Variants in POC5 observed in about 807,000 individuals in gnomAD.
POC5 encodes POC5 centriolar protein.
Under a neutral mutation model 62.9 loss-of-function variants are expected in POC5, and 48 were observed. The observed-to-expected ratio is 0.76, with a 90% confidence interval of 0.61 to 0.97. The LOEUF (loss-of-function observed/expected upper bound fraction) is 0.97. Ranked by LOEUF, POC5 falls within the 50% of genes least tolerant of loss-of-function variation. POC5 has a pLI of 0.00. For missense variants in POC5, 696 were observed against 679.5 expected (o/e 1.02, Z -0.27); for synonymous variants, 236 against 228.2 (o/e 1.03, Z -0.31).
intron 4 of POC5, 40 bp downstream of exon 4, chr5:75,705,664 T>G (rs1777085080): frequency 8.1e-7 from 1 of 1,234,732 alleles, no homozygotes; most frequent in Non-Finnish European, 1.1e-6. Context: ...AACCACAAAA[T>G]GTTGTATATT....
At chr5:75,689,689 A>T (rs77751490) in intron 8 of POC5, 1 of 983,452 alleles carries the variant, frequency 1.0e-6, no homozygotes, top group Non-Finnish European at 1.2e-6. Context: ...ACTGCAGAAA[A>T]TTATTTGTAT....
intron 2 of POC5, among the ~76,000 whole-genome samples, chr5:75,711,023 G>A (rs2112211005): frequency 6.6e-6 from 1 of 152,164 alleles, no homozygotes; most frequent in Non-Finnish European, 1.5e-5. Context: ...CAATTGCTAT[G>A]GCTTAAAGGG....
At chr5:75,686,753 A>C (rs1339494602) in intron 9 of POC5, among the ~76,000 whole-genome samples, 1 of 152,000 alleles carries the variant, frequency 6.6e-6, no homozygotes, top group East Asian at 1.9e-4. Context: ...AATTAATCTC[A>C]TTTTAGCTGG....
At chr5:75,675,754 G>A (rs1268497071) in intron 11 of POC5, among the ~76,000 whole-genome samples, 3 of 152,188 alleles carry the variant, frequency 2.0e-5, no homozygotes, top group Non-Finnish European at 2.9e-5. Flanking sequence ...TTCTCCTTGA[G>A]GAGGATGGGC....
At chr5:75,710,554 C>T (rs1349959615) in intron 2 of POC5, among the ~76,000 whole-genome samples, 1 of 152,160 alleles carries the variant, frequency 6.6e-6, no homozygotes, top group Non-Finnish European at 1.5e-5. Context: ...GAGGAAAGGC[C>T]ATGCAAAGAT....
rs201061779 is a variant in POC5 at position 75,692,454 on chromosome 5, A to G, written c.737T>C (p.Ile246Thr). 2.7e-5 allele frequency: 43 copies of G among 1,602,630 alleles called. No homozygotes were observed. The highest frequency in any genetic ancestry group is 1.9e-4 in the South Asian group (17 of 89,636). ...SHAIGKQKEK[I>T]ELMRTFFHWR... ...GTGGAAGAATGTTCTCATCAACTCT[A>G]TCTTTTCCTTTTGCTTGCCTATGGC... Residue 246 changes from isoleucine (I) to threonine (T), a missense_variant, in exon 7 of 12, where the codon ATA (isoleucine) becomes ACA (threonine). Ile to Thr is a moderately conservative substitution (Grantham distance 89). Transcript: ENST00000428202.
At chr5:75,699,910 C>T (rs1187800969) in intron 5 of POC5, among the ~76,000 whole-genome samples, 1 of 151,686 alleles carries the variant, frequency 6.6e-6, no homozygotes, top group East Asian at 1.9e-4. Context: ...CACAAGCATT[C>T]TTATACATCA....
chr5:75,705,211 A>T (rs79066559), intron 4 of POC5: 10,484 of 152,048 alleles, frequency 0.069, 394 homozygotes, highest in South Asian at 0.13. Context: ...AAACAAAATT[A>T]AAAAAATACA....
intron 10 of POC5, among the ~76,000 whole-genome samples, chr5:75,682,030 T>C (rs1304019033): frequency 1.3e-5 from 2 of 152,374 alleles, no homozygotes; most frequent in Non-Finnish European, 2.9e-5. Context: ...TAGATTTAAT[T>C]GTGATTCTCT....
chr5:75,688,687 T>C (rs1450045865), intron 9 of POC5, among the ~76,000 whole-genome samples: 2 of 152,116 alleles, frequency 1.3e-5, no homozygotes, highest in Admixed American at 1.3e-4. Context: ...AAATTAGAAG[T>C]TTTGTACTTA....
chr5:75,685,487 A>G lies in POC5; in HGVS notation c.1130-3T>C. The G allele has an allele frequency of 6.2e-7, 1 of 1,601,746 alleles. No homozygotes were observed. Among genetic ancestry groups the G allele is most frequent in the South Asian group, 1.1e-5 (1 of 90,790 alleles). The stretch of plus-strand genomic sequence containing the variant: ...TTTATTATTTGTGGAGTCTATCCCT[A>G]TAAATCACAAATTAATTCCATTCAA... On this transcript the variant is annotated splice_polypyrimidine_tract_variant and splice_region_variant and intron_variant, in intron 9 of 11. Coordinates refer to ENST00000428202, the MANE Select transcript of POC5 (RefSeq NM_001099271.2).
At position 75,705,657 on chromosome 5, in the gene POC5, C is replaced by T. The variant is rs188263814; in HGVS notation, c.307+47G>A. The T allele has an allele frequency of 2.6e-5, 31 of 1,188,296 alleles. No homozygotes were observed. The Admixed American group carries it at 7.0e-4, about 27-fold the overall frequency. The allele number at this position is 1,188,296 out of a possible 1,614,324, so 73.6% of individuals were successfully genotyped here. On this transcript the variant is annotated intron_variant, in intron 4 of 11. Coordinates refer to ENST00000428202, the MANE Select transcript of POC5 (RefSeq NM_001099271.2). ...ACTACATAGATAATATTCATCAAAC[C>T]ACAAAATGTTGTATATTAATACAAA...
chr5:75,685,392 T>C lies in POC5; in HGVS notation c.1222A>G (p.Met408Val). Residue 408 changes from methionine (M) to valine (V), a missense_variant, in exon 10 of 12, where the codon ATG becomes GTG. Coordinates refer to ENST00000428202, the MANE Select transcript of POC5 (RefSeq NM_001099271.2). Reference protein sequence around the residue: ...SAHLDPSAPPMPLPVTSPLLP... With the variant: ...SAHLDPSAPPVPLPVTSPLLP... ...AGTGGTGATGTAACTGGTAAGGGCA[T>C]CGGAGGAGCTGAAGGATCCAAATGA... The C allele has an allele frequency of 6.2e-7, 1 of 1,614,028 alleles. No individual in the cohort carries two copies. Among genetic ancestry groups the C allele is most frequent in the Non-Finnish European group, 8.5e-7 (1 of 1,179,902 alleles).
rs1776934073 is a variant in POC5 at position 75,702,595 on chromosome 5, T to C, written c.513+10A>G. The stretch of plus-strand genomic sequence containing the variant: ...TAAACAACTGTAATTGAAGAACTGC[T>C]GTACCGTACCTTAAGACCTGAACTC... On this transcript the variant is annotated intron_variant, in intron 5 of 11. Transcript: ENST00000428202. The C allele has an allele frequency of 1.2e-6, 2 of 1,609,608 alleles. No individual in the cohort carries two copies. The highest frequency in any genetic ancestry group is 1.1e-5 in the South Asian group (1 of 90,394).
At chr5:75,715,748 AG>A (rs753595323) in intron 1 of POC5, among the ~76,000 whole-genome samples, 4 of 152,224 alleles carry the variant, frequency 2.6e-5, no homozygotes, top group Non-Finnish European at 4.4e-5. Flanking sequence ...ATGCGTTCAG[AG>A]GGGACCATAG....
intron 10 of POC5, among the ~76,000 whole-genome samples, chr5:75,678,192 C>G (rs1561459989): frequency 1.4e-5 from 2 of 147,826 alleles, no homozygotes; most frequent in Non-Finnish European, 3.0e-5. Flanking sequence ...AAAAAACCAA[C>G]TTTTTTTTTT....
intron 1 of POC5, among the ~76,000 whole-genome samples, chr5:75,714,541 T>C (rs765073475): frequency 6.6e-6 from 1 of 152,028 alleles, no homozygotes; most frequent in Admixed American, 6.6e-5. Flanking sequence ...GTTATGGTGA[T>C]GGAAAGAGAA....
At chr5:75,687,312 G>A (rs2112105984) in intron 9 of POC5, among the ~76,000 whole-genome samples, 1 of 152,274 alleles carries the variant, frequency 6.6e-6, no homozygotes, top group East Asian at 1.9e-4. Flanking sequence ...TTACAGGTGT[G>A]AGCGACCGCG....
At chr5:75,713,946 G>C (rs1777448107) in intron 1 of POC5, among the ~76,000 whole-genome samples, 2 of 152,200 alleles carry the variant, frequency 1.3e-5, no homozygotes, top group South Asian at 4.1e-4. Flanking sequence ...CAAAAAGTAA[G>C]GAGCAGCCAG....
Sources: allele counts gnomAD v4.1 joint callset (sites outside exome capture counted in the v4.1 genomes callset), GRCh38; gene constraint gnomAD v4.1.1; transcripts MANE v1.5; gene names NCBI Gene and HGNC (gene_info 2026-07-23, HGNC 2026-07-21).